The following EXOC6B variants were observed in gnomAD, a reference collection of about 807,000 sequenced individuals.
EXOC6B encodes the protein exocyst complex component 6B.
EXOC6B carries 54 observed loss-of-function variants against 113.5 expected under a neutral mutation model. The observed-to-expected ratio is 0.48, with a 90% confidence interval of 0.38 to 0.60. The LOEUF is 0.60. Ranked by LOEUF, EXOC6B falls within the 20% of genes least tolerant of loss-of-function variation. The pLI is 0.00. For synonymous variants in EXOC6B, 357 were observed against 339.0 expected (o/e 1.05, Z -0.58); for missense variants, 797 against 977.5 (o/e 0.82, Z 2.46).
intron 1 of EXOC6B, among the ~76,000 whole-genome samples, chr2:72,810,978 T>C (rs1450658993): frequency 6.6e-6 from 1 of 151,400 alleles, no homozygotes; most frequent in Non-Finnish European, 1.5e-5. Context: ...GAGGTGAAGG[T>C]TCCAGTGAAC....
intron 16 of EXOC6B, among the ~76,000 whole-genome samples, chr2:72,485,395 C>T (rs1402733040): frequency 6.6e-6 from 1 of 152,162 alleles, no homozygotes; most frequent in South Asian, 2.1e-4. Flanking sequence ...TGAGAAGTCA[C>T]ACTCTTCTTC....
In EXOC6B at chr2:72,477,302, A is replaced by G. The variant is rs563815547; in HGVS notation, c.1800+3314T>C. On this transcript the variant is annotated intron_variant, in intron 17 of 21. Transcript: ENST00000272427. ...ATGCATTTTTCTCTAAGTGTTCCCC[A>G]TCTCAGTAAACAGTATTCATCCAGT... 6.1e-4 allele frequency among the ~76,000 whole-genome samples: 93 copies of G among 152,340 alleles called. 1 individual carries two copies. Among genetic ancestry groups the G allele is most frequent in the Non-Finnish European group, 1.2e-3 (82 of 68,036 alleles).
intron 1 of EXOC6B, among the ~76,000 whole-genome samples, chr2:72,789,447 C>T (rs575710744): frequency 9.2e-5 from 14 of 152,282 alleles, no homozygotes; most frequent in Admixed American, 7.8e-4. Flanking sequence ...AGCTTGGAGA[C>T]ACTGGCATTC....
chr2:72,784,035 G>A (rs1684230132), intron 1 of EXOC6B, among the ~76,000 whole-genome samples: 1 of 152,108 alleles, frequency 6.6e-6, no homozygotes, highest in Admixed American at 6.5e-5. Flanking sequence ...AAACGGTGAG[G>A]GGGTCCAGTT....
intron 1 of EXOC6B, among the ~76,000 whole-genome samples, chr2:72,742,818 C>T (rs926339663): frequency 1.2e-4 from 18 of 152,174 alleles, no homozygotes; most frequent in Admixed American, 7.9e-4. Context: ...AAAATATCAT[C>T]TCTGTAGTGC....
At chr2:72,425,653 A>T (rs2105279027) in intron 18 of EXOC6B, among the ~76,000 whole-genome samples, 1 of 152,274 alleles carries the variant, frequency 6.6e-6, no homozygotes, top group South Asian at 2.1e-4. Flanking sequence ...CCTTTTATTT[A>T]AGAATTCCAG....
chr2:72,307,161 G>GTTTTTGTTTTTTTGTTTTT (rs758906963), intron 20 of EXOC6B, among the ~76,000 whole-genome samples: 1 of 128,514 alleles, frequency 7.8e-6, no homozygotes, highest in African/African-American at 3.8e-5. Context: ...GTATAGTCCA[G>GTTTTTGTTTTTTTGTTTTT]TTTTTTTTTT....
chr2:72,698,968 A>T (rs1386079842), intron 6 of EXOC6B, among the ~76,000 whole-genome samples: 1 of 152,210 alleles, frequency 6.6e-6, no homozygotes, highest in East Asian at 1.9e-4. Flanking sequence ...GGACCTTAAT[A>T]ATCTAGAGGG....
intron 19 of EXOC6B, among the ~76,000 whole-genome samples, chr2:72,361,018 A>G (rs1162818717): frequency 1.3e-5 from 2 of 151,980 alleles, no homozygotes; most frequent in African/African-American, 2.4e-5. Context: ...CCCAGAGAAG[A>G]GTAGCATTTT....
chr2:72,542,558 A>G (rs1351255767), intron 8 of EXOC6B, among the ~76,000 whole-genome samples: 1 of 152,238 alleles, frequency 6.6e-6, no homozygotes, highest in African/African-American at 2.4e-5. Flanking sequence ...TTCATTGGTT[A>G]AAAAGCAAAT....
At position 72,441,762 on chromosome 2, in the gene EXOC6B, C is replaced by T. The variant is rs906084764; in HGVS notation, c.1980+23398G>A. Among the ~76,000 whole-genome samples the T allele has an allele frequency of 5.9e-5, 9 of 151,994 alleles. 1 individual carries two copies. The highest frequency in any genetic ancestry group is 1.4e-4 in the African/African-American group (6 of 41,498). ...GAGTACTACCACTTACCAACCACCCCCCGCCCAACAAAAAGAAAAGCCCAG... is the reference window on the plus strand; with the variant it reads ...GAGTACTACCACTTACCAACCACCCTCCGCCCAACAAAAAGAAAAGCCCAG... On this transcript the variant is annotated intron_variant, in intron 18 of 21. Coordinates refer to ENST00000272427, the MANE Select transcript of EXOC6B (RefSeq NM_015189.3).
At chr2:72,514,604 A>AT (rs57563336) in intron 10 of EXOC6B, 30 bp downstream of exon 10, 3,668 of 156,878 alleles carry the variant, frequency 0.023, 124 homozygotes, top group African/African-American at 0.098. Context: ...ATAAATAAAT[A>AT]AATATATATA....
intron 1 of EXOC6B, among the ~76,000 whole-genome samples, chr2:72,746,858 G>A (rs1293044826): frequency 2.0e-5 from 3 of 151,946 alleles, no homozygotes; most frequent in Non-Finnish European, 2.9e-5. Flanking sequence ...CAGGTGGCAT[G>A]GGCCCCCAAA....
In EXOC6B at chr2:72,515,067, C is replaced by A; in HGVS notation, c.975G>T (p.Leu325Phe). 1 of 1,606,698 alleles carries A rather than the reference C, an allele frequency of 6.2e-7. No individual in the cohort carries two copies. The highest frequency in any genetic ancestry group is 2.2e-5 in the East Asian group (1 of 44,686). ...YRKQRRKQAR[L>F]VLQPPSNMHE... ...CCATGTTAGATGGAGGTTGAAGTAC[C>A]AAACGAGCCTGTTTTCGCCTCTGTT... is the stretch of plus-strand genomic sequence containing the variant. The change falls in exon 9 of 22, where the codon TTG becomes TTT. Residue 325 changes from leucine to phenylalanine, a missense_variant. By Grantham distance (22) the Leu-to-Phe change is conservative. Coordinates refer to ENST00000272427, the MANE Select transcript of EXOC6B (RefSeq NM_015189.3).
chr2:72,236,443 A>C (rs1397845973), intron 20 of EXOC6B, among the ~76,000 whole-genome samples: 1 of 152,226 alleles, frequency 6.6e-6, no homozygotes, highest in African/African-American at 2.4e-5. Context: ...TCTTTAATTT[A>C]GATTTCCAAA....
chr2:72,234,346 G>A (rs1681825014), intron 20 of EXOC6B, among the ~76,000 whole-genome samples: 1 of 152,046 alleles, frequency 6.6e-6, no homozygotes, highest in African/African-American at 2.4e-5. Context: ...GCCTCCCAAA[G>A]TGCTGGGATT....
At chr2:72,595,858 T>G (rs1004270546) in intron 6 of EXOC6B, among the ~76,000 whole-genome samples, 1 of 152,136 alleles carries the variant, frequency 6.6e-6, no homozygotes, top group Non-Finnish European at 1.5e-5. Flanking sequence ...GGCTAAAAAA[T>G]GTTTCAAGTT....
Position 72,701,024 on chromosome 2 carries a change from G to A in EXOC6B, c.669+17079C>T, listed in dbSNP as rs544834183. Among the ~76,000 whole-genome samples the A allele has an allele frequency of 9.2e-5, 14 of 152,038 alleles. No individual in the cohort carries two copies. In the South Asian group the frequency reaches 1.7e-3, roughly 18 times the overall value. ...ATCCATATACTGGTAGGTACAGAGC[G>A]GTGTTCACTGGAGGAGAATCAAGAT... On this transcript the variant is annotated intron_variant, in intron 6 of 21. Coordinates refer to ENST00000272427, the MANE Select transcript of EXOC6B (RefSeq NM_015189.3).
intron 6 of EXOC6B, among the ~76,000 whole-genome samples, chr2:72,715,033 G>A (rs916149296): frequency 6.6e-5 from 10 of 152,012 alleles, no homozygotes; most frequent in African/African-American, 1.2e-4. Flanking sequence ...TTGGGAGGCC[G>A]AGGCGGGTGG....
Sources: gnomAD v4.1 joint callset for allele counts (sites outside exome capture counted in the v4.1 genomes callset) on GRCh38, gnomAD v4.1.1 for gene constraint, MANE v1.5 for transcripts, NCBI Gene and HGNC (gene_info 2026-07-23, HGNC 2026-07-21) for gene names.